The following CNGA3 variants were observed in gnomAD, a reference collection of about 807,000 sequenced individuals.
CNGA3 encodes the protein cyclic nucleotide-gated channel alpha-3.
A neutral mutation model predicts 46.6 loss-of-function variants in CNGA3; 42 were observed. The ratio of observed to expected loss-of-function variants is 0.90; its 90% CI spans 0.70 to 1.17. The LOEUF (loss-of-function observed/expected upper bound fraction) is 1.17, where lower values mean the gene tolerates loss of function less well. Ranked by LOEUF, CNGA3 falls within the 50% of genes most tolerant of loss-of-function variation. The probability of loss-of-function intolerance (pLI) is 0.00; values close to 1 mark genes in which losing one functional copy is unlikely to be tolerated. For synonymous variants in CNGA3, 394 were observed against 369.4 expected (o/e 1.07, Z -0.76); for missense variants, 893 against 890.7 (o/e 1.00, Z -0.03).
intron 1 of CNGA3, among the ~76,000 whole-genome samples, chr2:98,367,631 C>T (rs1228557975): frequency 6.6e-6 from 1 of 152,016 alleles, no homozygotes; most frequent in East Asian, 1.9e-4. Context: ...ACGTGCTTCC[C>T]CCCTAGTTCC....
chr2:98,378,205 G>T (rs1189901380), intron 3 of CNGA3: 3 of 1,549,390 alleles, frequency 1.9e-6, no homozygotes, highest in Admixed American at 2.0e-5. Context: ...CCGGGTGCTC[G>T]TCTGGACCCC....
At chr2:98,371,861 C>T (rs1692296024) in intron 2 of CNGA3, among the ~76,000 whole-genome samples, 1 of 152,172 alleles carries the variant, frequency 6.6e-6, no homozygotes, top group Admixed American at 6.5e-5. Context: ...AGAAGGAGCC[C>T]AAGAATGAGG....
chr2:98,377,267 C>CGGGT (rs2104196242), intron 2 of CNGA3: 2 of 197,544 alleles, frequency 1.0e-5, no homozygotes, highest in South Asian at 1.9e-4. Context: ...CCCTAAGGAG[C>CGGGT]GGGTATTCAA....
rs918733591 is a variant in CNGA3 at position 98,397,716 on chromosome 2, A to G, written c.*461A>G. ...AGGTACAACATAGTGACTAAAATTC[A>G]GACTTACACAAGACAGTTTGAGGCA... On this transcript the variant is annotated 3_prime_UTR_variant, in exon 8 of 8. Transcript: ENST00000272602. 3 of 208,662 alleles carry G rather than the reference A, an allele frequency of 1.4e-5. No individual in the cohort carries two copies. The highest frequency in any genetic ancestry group is 2.9e-5 in the Non-Finnish European group (3 of 102,330). The allele number at this position is 208,662 out of a possible 1,614,324, so 12.9% of individuals were successfully genotyped here.
At chr2:98,371,352 C>T (rs1380310156) in intron 2 of CNGA3, among the ~76,000 whole-genome samples, 3 of 152,200 alleles carry the variant, frequency 2.0e-5, no homozygotes, top group Non-Finnish European at 4.4e-5. Context: ...GTGTTCATCA[C>T]TTCCTCTCCC....
chr2:98,380,503 G>C (rs1270955685), intron 4 of CNGA3, 149 bp downstream of exon 4: 2 of 1,040,932 alleles, frequency 1.9e-6, no homozygotes, highest in Non-Finnish European at 1.4e-6. Context: ...TTTGCCCTTG[G>C]GGGAGCACTA....
At position 98,370,042 on chromosome 2, in the gene CNGA3, C is replaced by T. The variant is rs777509481; in HGVS notation, c.67C>T (p.Arg23Ter). ...CCACCTCAAGGTAAAGACCTCAGAC[C>T]GAGATCTCAATCGCGCTGAAAATGG... ...RTHLKVKTSDRDLNRAENGLS... is the reference protein window; with the variant it reads ...RTHLKVKTSD Residue 23 changes from arginine to a stop codon, truncating the protein, a stop_gained, in exon 2 of 8, where the codon CGA becomes TGA. Coordinates refer to ENST00000272602, the MANE Select transcript of CNGA3 (RefSeq NM_001298.3). LOFTEE classifies it high-confidence loss of function. The T allele has an allele frequency of 2.0e-5, 33 of 1,613,826 alleles. No individual in the cohort carries two copies. The highest frequency in any genetic ancestry group is 6.7e-5 in the East Asian group (3 of 44,888).
chr2:98,364,002 A>G (rs1692090751), intron 1 of CNGA3, among the ~76,000 whole-genome samples: 1 of 152,230 alleles, frequency 6.6e-6, no homozygotes, highest in Non-Finnish European at 1.5e-5. Flanking sequence ...TATATTTAAA[A>G]TAGTTAGCTC....
intron 5 of CNGA3, among the ~76,000 whole-genome samples, chr2:98,387,478 G>A (rs568221825): frequency 2.0e-4 from 30 of 152,314 alleles, no homozygotes; most frequent in South Asian, 4.1e-4. Context: ...ATTCAATGGG[G>A]CATTACTGCC....
chr2:98,350,030 G>A (rs916490282), intron 1 of CNGA3, among the ~76,000 whole-genome samples: 2 of 152,210 alleles, frequency 1.3e-5, no homozygotes, highest in Non-Finnish European at 2.9e-5. Context: ...GCCTGCACCC[G>A]AGAACTCATC....
chr2:98,397,419 G>T lies in CNGA3; in HGVS notation c.*164G>T, dbSNP rs1327864812. 1 of 737,722 alleles carries T rather than the reference G, an allele frequency of 1.4e-6. No individual in the cohort carries two copies. The highest frequency in any genetic ancestry group is 1.8e-5 in the African/African-American group (1 of 57,070). The allele number at this position is 737,722 out of a possible 1,614,324, so 45.7% of individuals were successfully genotyped here. A position where few individuals can be genotyped will look rare whatever the true frequency, so the allele number is the denominator to read the frequency against. On this transcript the variant is annotated 3_prime_UTR_variant, in exon 8 of 8. Coordinates refer to ENST00000272602, the MANE Select transcript of CNGA3 (RefSeq NM_001298.3). Reference sequence around the variant, plus strand: ...GAACCTGTTTCTTCACCTAAAAAATGGGACTTTTTGTCTCAGTCCCAGTGA... The same window carrying T: ...GAACCTGTTTCTTCACCTAAAAAATTGGACTTTTTGTCTCAGTCCCAGTGA...
intron 1 of CNGA3, among the ~76,000 whole-genome samples, chr2:98,354,891 C>T (rs1691845480): frequency 6.6e-6 from 1 of 152,110 alleles, no homozygotes; most frequent in Non-Finnish European, 1.5e-5. Flanking sequence ...TGATGCAGTC[C>T]AATCTATTTT....
chr2:98,373,250 G>A (rs1433306430), intron 2 of CNGA3, among the ~76,000 whole-genome samples: 2 of 152,120 alleles, frequency 1.3e-5, no homozygotes, highest in Non-Finnish European at 2.9e-5. Flanking sequence ...CACATACCAC[G>A]CAAAAATTTT....
chr2:98,353,247 T>C (rs571633907), intron 1 of CNGA3, among the ~76,000 whole-genome samples: 2 of 151,152 alleles, frequency 1.3e-5, no homozygotes, highest in Admixed American at 6.6e-5. Context: ...TATATCCTAT[T>C]GGTTCTGTTT....
intron 3 of CNGA3, chr2:98,378,337 T>C (rs1692460539): frequency 2.8e-6 from 3 of 1,054,388 alleles, no homozygotes; most frequent in Non-Finnish European, 4.0e-6. Flanking sequence ...GAGGAAGTCA[T>C]TTCACCTTTT....
chr2:98,398,449 C>T lies in CNGA3; in HGVS notation c.*1194C>T, dbSNP rs1218005331. On this transcript the variant is annotated 3_prime_UTR_variant, in exon 8 of 8. Transcript: ENST00000272602. ...TTCTTTCTTTCCTTTTTCCTTTCTT[C>T]TTCCTTTCCTTTTTTCTTTCTTCTT... 3 of 152,040 alleles carry T rather than the reference C, an allele frequency of 2.0e-5. No homozygotes were observed. Among genetic ancestry groups the T allele is most frequent in the African/African-American group, 7.3e-5 (3 of 41,364 alleles). The allele number at this position is 152,040 out of a possible 1,614,324, so 9.4% of individuals were successfully genotyped here. A position where few individuals can be genotyped will look rare whatever the true frequency, so the allele number is the denominator to read the frequency against.
intron 7 of CNGA3, among the ~76,000 whole-genome samples, chr2:98,395,301 C>G (rs1161784715): frequency 8.6e-5 from 13 of 152,008 alleles, no homozygotes. Context: ...TCCTGAGTAG[C>G]TGGGATTACA....
intron 2 of CNGA3, chr2:98,377,476 A>G (rs1692431500): frequency 3.5e-6 from 2 of 570,894 alleles, no homozygotes; most frequent in Admixed American, 2.6e-5. Context: ...GACAGTAGCT[A>G]CCTTCCTTGC....
chr2:98,393,080 A>G (rs1177237509), intron 7 of CNGA3, among the ~76,000 whole-genome samples: 2 of 152,222 alleles, frequency 1.3e-5, no homozygotes, highest in Non-Finnish European at 2.9e-5. Flanking sequence ...AGCCAGGGCA[A>G]CATAGCAAGA....
Sources: gnomAD v4.1 joint callset for allele counts (sites outside exome capture counted in the v4.1 genomes callset) on GRCh38, gnomAD v4.1.1 for gene constraint, MANE v1.5 for transcripts, NCBI Gene and HGNC (gene_info 2026-07-23, HGNC 2026-07-21) for gene names.